Variants in MSH3 observed in about 807,000 individuals in gnomAD.
MSH3 encodes the protein DNA mismatch repair protein Msh3.
MSH3 carries 106 observed loss-of-function variants against 123.3 expected under a neutral mutation model. The ratio of observed to expected loss-of-function variants is 0.86; its 90% CI spans 0.73 to 1.01. The LOEUF (loss-of-function observed/expected upper bound fraction) is 1.01, where lower values mean the gene tolerates loss of function less well. MSH3 is among the 50% of genes least tolerant of loss of function. MSH3 has a pLI of 0.00. For missense variants in MSH3, 1,459 were observed against 1,347.6 expected, an observed-to-expected ratio of 1.08 and a Z score of -1.29; for synonymous variants, 515 against 481.4, an observed-to-expected ratio of 1.07 and a Z score of -0.91.
chr5:80,717,864 T>C (rs979518823), intron 8 of MSH3, among the ~76,000 whole-genome samples: 1 of 152,240 alleles, frequency 6.6e-6, no homozygotes, highest in Non-Finnish European at 1.5e-5. Context: ...GTTTCCTATA[T>C]CAAAATACTT....
intron 13 of MSH3, among the ~76,000 whole-genome samples, chr5:80,767,457 T>G (rs560212931): frequency 1.6e-3 from 240 of 152,308 alleles, no homozygotes; most frequent in African/African-American, 5.5e-3. Context: ...TTGTCTTTAA[T>G]TATATATGAA....
intron 12 of MSH3, among the ~76,000 whole-genome samples, chr5:80,747,562 G>A (rs1026433503): frequency 9.2e-5 from 14 of 152,092 alleles, no homozygotes; most frequent in Admixed American, 7.9e-4. Flanking sequence ...TATTTCAAAA[G>A]AATTCCAGTT....
At chr5:80,836,338 C>T (rs1367701166) in intron 20 of MSH3, among the ~76,000 whole-genome samples, 1 of 152,116 alleles carries the variant, frequency 6.6e-6, no homozygotes, top group Non-Finnish European at 1.5e-5. Flanking sequence ...AGACACTCTG[C>T]TTAACACTTG....
chr5:80,812,435 T>C (rs996417902), intron 19 of MSH3, among the ~76,000 whole-genome samples: 1 of 152,180 alleles, frequency 6.6e-6, no homozygotes, highest in Non-Finnish European at 1.5e-5. Context: ...CCCCAGTGCC[T>C]TGTGGCCTGG....
At chr5:80,875,316 A>G (rs75284296) in intron 23 of MSH3, among the ~76,000 whole-genome samples, 48 of 150,138 alleles carry the variant, frequency 3.2e-4, no homozygotes, top group Middle Eastern at 3.4e-3. Flanking sequence ...ATTCTGCAGA[A>G]AAAAAAAAAA....
intron 12 of MSH3, among the ~76,000 whole-genome samples, chr5:80,745,789 A>T (rs1743707927): frequency 6.6e-6 from 1 of 152,314 alleles, no homozygotes; most frequent in East Asian, 1.9e-4. Flanking sequence ...GTATGCTAGG[A>T]GCTTTATGAG....
At chr5:80,718,006 T>G (rs1233196669) in intron 8 of MSH3, among the ~76,000 whole-genome samples, 1 of 152,216 alleles carries the variant, frequency 6.6e-6, no homozygotes, top group African/African-American at 2.4e-5. Flanking sequence ...GAATCATTTG[T>G]GTTTTATTTG....
At chr5:80,720,843 A>G (rs1347377034) in intron 8 of MSH3, among the ~76,000 whole-genome samples, 2 of 152,098 alleles carry the variant, frequency 1.3e-5, no homozygotes, top group Non-Finnish European at 2.9e-5. Context: ...TTCTGACTTC[A>G]CAGTTCTGGT....
rs1184865419 is a variant in MSH3, at chr5:80,654,840, C to T, written c.113C>T (p.Ser38Phe). ...TCTACGGGAAGCCTGAAATCCACCT[C>T]CTCCTCCACAGGTGCAGCCGACCAG... is the stretch of plus-strand genomic sequence containing the variant. ...FQSTGSLKST[S>F]SSTGAADQVD... Residue 38 changes from serine (S) to phenylalanine (F), a missense_variant, in exon 1 of 24, where the codon TCC becomes TTC. Ser to Phe is a radical substitution (Grantham distance 155). Transcript: ENST00000265081. 1.2e-6 allele frequency: 2 copies of T among 1,605,924 alleles called. No individual in the cohort carries two copies. Among genetic ancestry groups the T allele is most frequent in the South Asian group, 1.1e-5 (1 of 90,536 alleles).
At chr5:80,821,068 G>T (rs1745196724) in intron 20 of MSH3, among the ~76,000 whole-genome samples, 1 of 152,186 alleles carries the variant, frequency 6.6e-6, no homozygotes, top group Non-Finnish European at 1.5e-5. Flanking sequence ...GTGTTGTCAT[G>T]TAGTTTAAAT....
At chr5:80,833,835 A>G (rs549661790) in intron 20 of MSH3, among the ~76,000 whole-genome samples, 1 of 151,414 alleles carries the variant, frequency 6.6e-6, no homozygotes, top group South Asian at 2.1e-4. Context: ...TTACTGAGAT[A>G]TTTACAACAT....
chr5:80,693,340 CACAT>C lies in MSH3; in HGVS notation c.1340+14248_1340+14251del, dbSNP rs1245318461. Among the ~76,000 whole-genome samples the C allele has an allele frequency of 2.3e-3, 91 of 39,406 alleles. 28 individuals carry two copies. The highest frequency in any genetic ancestry group is 0.012 in the African/African-American group (89 of 7,162). 25.9% of individuals were successfully genotyped at this position (39,406 alleles called of 152,430 possible). ...ATGTTTATATAGATAAATATACATGCACATGTATATGTTTATATAGATATACATG... is the reference window on the plus strand; with the variant it reads ...ATGTTTATATAGATAAATATACATGCGTATATGTTTATATAGATATACATG... On this transcript the variant is annotated intron_variant, in intron 8 of 23. Transcript: ENST00000265081.
In MSH3 at chr5:80,761,609, T is replaced by G. The variant is rs776490069; in HGVS notation, c.1827T>G (p.Gly609=). Residue 609 remains glycine, a synonymous_variant, in exon 13 of 24, where the codon GGT becomes GGG. Transcript: ENST00000265081. ...EVLHSESSVF[G]QIENHLRKLP... ...TCCATTCAGAATCTAGTGTGTTTGG[T>G]CAGATAGAAAATCATCTACGTAAAT... 1 of 1,614,098 alleles carries G rather than the reference T, an allele frequency of 6.2e-7. No homozygotes were observed. The highest frequency in any genetic ancestry group is 1.1e-5 in the South Asian group (1 of 91,078).
chr5:80,809,338 T>C (rs1744965814), intron 19 of MSH3, among the ~76,000 whole-genome samples: 2 of 151,522 alleles, frequency 1.3e-5, no homozygotes, highest in African/African-American at 4.9e-5. Context: ...CTTATTAAAT[T>C]ATTTTAGTTT....
At chr5:80,842,277 T>C (rs1745640831) in intron 20 of MSH3, among the ~76,000 whole-genome samples, 2 of 151,974 alleles carry the variant, frequency 1.3e-5, no homozygotes, top group African/African-American at 4.8e-5. Flanking sequence ...TCTGTTTTGG[T>C]ACCAGTACCA....
At chr5:80,819,025 T>C (rs1361368775) in intron 20 of MSH3, among the ~76,000 whole-genome samples, 2 of 152,190 alleles carry the variant, frequency 1.3e-5, no homozygotes, top group Non-Finnish European at 2.9e-5. Context: ...ACTTCCTAGA[T>C]AGTGCTTTGT....
At chr5:80,683,073 T>C (rs1435022447) in intron 8 of MSH3, among the ~76,000 whole-genome samples, 1 of 152,212 alleles carries the variant, frequency 6.6e-6, no homozygotes, top group Non-Finnish European at 1.5e-5. Context: ...CTCCATTGTA[T>C]ATATGTACTA....
chr5:80,730,993 C>T (rs1743401821), intron 10 of MSH3, among the ~76,000 whole-genome samples: 2 of 150,038 alleles, frequency 1.3e-5, no homozygotes, highest in South Asian at 4.2e-4. Flanking sequence ...ACTTCCGCCT[C>T]CTGGGTTCAA....
chr5:80,728,714 T>G, intron 9 of MSH3, 137 bp from the exon 10 acceptor site: 1 of 581,228 alleles, frequency 1.7e-6, no homozygotes, highest in Non-Finnish European at 3.0e-6. Flanking sequence ...TCCAAATTAT[T>G]ATTTTGGTAA....
Sources: allele counts gnomAD v4.1 joint callset (sites outside exome capture counted in the v4.1 genomes callset), GRCh38; gene constraint gnomAD v4.1.1; transcripts MANE v1.5; gene names NCBI Gene and HGNC (gene_info 2026-07-23, HGNC 2026-07-21).